The following PTPRD variants were observed in gnomAD, a reference collection of about 807,000 sequenced individuals.
The protein encoded by PTPRD is protein tyrosine phosphatase receptor type D.
PTPRD carries 34 observed loss-of-function variants against 214.5 expected under a neutral mutation model. The ratio of observed to expected loss-of-function variants is 0.16; its 90% confidence interval spans 0.12 to 0.21. PTPRD has a LOEUF of 0.21. PTPRD is among the 10% of genes least tolerant of loss of function. The pLI is 1.00. For missense variants in PTPRD, 2,545 were observed against 2,398.7 expected (o/e 1.06, Z -1.27); for synonymous variants, 1,128 against 845.7 (o/e 1.33, Z -5.79).
intron 2 of PTPRD, among the ~76,000 whole-genome samples, chr9:10,448,767 C>A (rs1409467459): frequency 6.6e-6 from 1 of 151,936 alleles, no homozygotes; most frequent in Non-Finnish European, 1.5e-5. Context: ...TCTCCCAGCC[C>A]AATGCTCTGT....
chr9:8,917,818 G>C (rs1270526952), intron 11 of PTPRD, among the ~76,000 whole-genome samples: 1 of 152,082 alleles, frequency 6.6e-6, no homozygotes, highest in African/African-American at 2.4e-5. Flanking sequence ...CAGACCTCAA[G>C]GTTTATTGCT....
intron 11 of PTPRD, among the ~76,000 whole-genome samples, chr9:8,744,788 A>G (rs12336050): frequency 0.071 from 10,768 of 152,242 alleles, 1,016 homozygotes; most frequent in African/African-American, 0.22. Context: ...TTCCTCAAAA[A>G]CCTATTGAAA....
At position 9,068,042 on chromosome 9, in the gene PTPRD, T is replaced by G. The variant is rs943713316; in HGVS notation, c.-142-49307A>C. Among the ~76,000 whole-genome samples the G allele has an allele frequency of 2.0e-5, 3 of 152,344 alleles. No individual in the cohort carries two copies. In the Middle Eastern group the frequency reaches 0.01, roughly 518 times the overall value. On this transcript the variant is annotated intron_variant, in intron 10 of 45. Coordinates refer to ENST00000381196, the MANE Select transcript of PTPRD (RefSeq NM_002839.4). ...AACACTGCTCTGTTCTCCACATCTA[T>G]AATTTTGTCATTAAAAAATTATATA...
At chr9:8,718,342 G>A (rs1225599425) in intron 12 of PTPRD, among the ~76,000 whole-genome samples, 2 of 152,160 alleles carry the variant, frequency 1.3e-5, no homozygotes, top group Non-Finnish European at 2.9e-5. Flanking sequence ...GCAAGTAACT[G>A]TTTTATTATA....
intron 5 of PTPRD, among the ~76,000 whole-genome samples, chr9:9,935,716 G>GA (rs1277352518): frequency 2.1e-5 from 3 of 141,122 alleles, no homozygotes; most frequent in Admixed American, 2.0e-4. Context: ...CACAGAATTG[G>GA]AAAAAACTAC....
At chr9:8,910,030 T>C (rs546903245) in intron 11 of PTPRD, among the ~76,000 whole-genome samples, 3 of 151,858 alleles carry the variant, frequency 2.0e-5, no homozygotes, top group Non-Finnish European at 2.9e-5. Flanking sequence ...AATTTATTTA[T>C]TTATTATTTA....
chr9:10,161,168 C>A (rs1182287462), intron 3 of PTPRD, among the ~76,000 whole-genome samples: 2 of 151,614 alleles, frequency 1.3e-5, no homozygotes. Flanking sequence ...TAATGCAATC[C>A]CAATGAAAAC....
chr9:8,953,112 G>A (rs1056882305), intron 11 of PTPRD, among the ~76,000 whole-genome samples: 2 of 151,742 alleles, frequency 1.3e-5, no homozygotes, highest in African/African-American at 4.8e-5. Flanking sequence ...GTTACTGTAG[G>A]AGATGTGCAG....
chr9:9,359,951 C>T (rs1222071574), intron 9 of PTPRD, among the ~76,000 whole-genome samples: 1 of 151,194 alleles, frequency 6.6e-6, no homozygotes, highest in Non-Finnish European at 1.5e-5. Flanking sequence ...ATAATTATAA[C>T]TTAAGAAAAC....
At chr9:8,791,871 G>A (rs1566093495) in intron 11 of PTPRD, among the ~76,000 whole-genome samples, 1 of 152,058 alleles carries the variant, frequency 6.6e-6, no homozygotes, top group East Asian at 1.9e-4. Context: ...TCAAAATGCG[G>A]GAAAACAATG....
At chr9:9,886,262 T>A (rs532155037) in intron 5 of PTPRD, among the ~76,000 whole-genome samples, 38 of 152,164 alleles carry the variant, frequency 2.5e-4, no homozygotes, top group African/African-American at 8.7e-4. Context: ...CTGCTCTGGG[T>A]CTCCTGTTTT....
intron 39 of PTPRD, among the ~76,000 whole-genome samples, chr9:8,343,409 A>G (rs1854400717): frequency 6.7e-6 from 1 of 148,170 alleles, no homozygotes; most frequent in Admixed American, 6.6e-5. Context: ...TCTGAGACAG[A>G]GAGTCCTACA....
chr9:9,936,052 C>T (rs956060673), intron 5 of PTPRD, among the ~76,000 whole-genome samples: 49 of 148,734 alleles, frequency 3.3e-4, no homozygotes, highest in Middle Eastern at 3.4e-3. Context: ...TGGATCCCTT[C>T]CTTACACCTT....
chr9:10,599,573 A>C (rs2077463886), intron 2 of PTPRD, among the ~76,000 whole-genome samples: 2 of 151,926 alleles, frequency 1.3e-5, no homozygotes, highest in African/African-American at 4.8e-5. Context: ...CTATGGGCAT[A>C]AATAAACAAA....
In PTPRD at chr9:9,772,449, C is replaced by G. The variant is rs141236904; in HGVS notation, c.-367-5598G>C. 5.3e-5 allele frequency among the ~76,000 whole-genome samples: 8 copies of G among 152,172 alleles called. No individual in the cohort carries two copies. In the East Asian group the frequency reaches 1.5e-3, roughly 29 times the overall value. ...AAATATGCGACGGGTAAATTTTATCCTTAGTGTTCTTGCATTTTACATTTA... is the reference window on the plus strand; with the variant it reads ...AAATATGCGACGGGTAAATTTTATCGTTAGTGTTCTTGCATTTTACATTTA... On this transcript the variant is annotated intron_variant, in intron 5 of 45. Transcript: ENST00000381196.
chr9:9,182,346 C>T (rs768304597), intron 10 of PTPRD, among the ~76,000 whole-genome samples: 14 of 151,982 alleles, frequency 9.2e-5, no homozygotes, highest in Admixed American at 2.0e-4. Context: ...ATATTCTTTT[C>T]TTTAAACTGA....
At chr9:9,437,217 A>G (rs545436882) in intron 8 of PTPRD, among the ~76,000 whole-genome samples, 1 of 152,334 alleles carries the variant, frequency 6.6e-6, no homozygotes, top group South Asian at 2.1e-4. Flanking sequence ...TCTTCCACAT[A>G]ACAGATTTTA....
At chr9:9,694,627 G>A (rs1243767981) in intron 7 of PTPRD, among the ~76,000 whole-genome samples, 4 of 152,158 alleles carry the variant, frequency 2.6e-5, no homozygotes, top group South Asian at 4.2e-4. Context: ...CTTAGCAACT[G>A]ATGTTGCTGA....
rs1411571771 is a variant in PTPRD, at chr9:8,316,464, C to CAT, written c.*1408_*1409dup. The CAT allele has an allele frequency of 8.7e-6, 2 of 230,048 alleles. No individual in the cohort carries two copies. Among genetic ancestry groups the CAT allele is most frequent in the Non-Finnish European group, 1.7e-5 (2 of 115,990 alleles). 14.3% of individuals were successfully genotyped at this position (230,048 alleles called of 1,614,324 possible). On this transcript the variant is annotated 3_prime_UTR_variant, in exon 46 of 46. Transcript: ENST00000381196. The stretch of plus-strand genomic sequence containing the variant: ...CATGAATTTGGCTTTGCCCCTGTTA[C>CAT]ATATCATAAATGCAAATTTCATAGC...
Sources: gnomAD v4.1 joint callset for allele counts (sites outside exome capture counted in the v4.1 genomes callset) on GRCh38, gnomAD v4.1.1 for gene constraint, MANE v1.5 for transcripts, NCBI Gene and HGNC (gene_info 2026-07-23, HGNC 2026-07-21) for gene names.